Variants in RNF38 observed in about 807,000 individuals in gnomAD.
RNF38 encodes the protein E3 ubiquitin-protein ligase RNF38.
A neutral mutation model predicts 67.2 loss-of-function variants in RNF38; 15 were observed. That is an observed-to-expected ratio of 0.22 (90% CI 0.15 to 0.34). RNF38 has a LOEUF of 0.34. Among genes scored for constraint, RNF38 ranks in the 10% least tolerant of loss-of-function variants. RNF38 has a pLI of 1.00. For synonymous variants in RNF38, 220 were observed against 218.8 expected (o/e 1.01, Z -0.05); for missense variants, 524 against 639.9 (o/e 0.82, Z 1.95).
intron 1 of RNF38, among the ~76,000 whole-genome samples, chr9:36,483,439 CAGA>C (rs1840328212): frequency 6.6e-6 from 1 of 151,150 alleles, no homozygotes; most frequent in Admixed American, 6.6e-5. Context: ...AGTGGGTTTC[CAGA>C]TAGAGGAACC....
intron 1 of RNF38, among the ~76,000 whole-genome samples, chr9:36,428,454 CAT>C (rs10588812): frequency 0.35 from 51,474 of 145,880 alleles, 8,844 homozygotes; most frequent in African/African-American, 0.4. Flanking sequence ...CTATTGTTTA[CAT>C]ATATATATAT....
rs777741651 is a variant in RNF38, at chr9:36,376,089, A to G, written c.201T>C (p.Ser67=). The G allele has an allele frequency of 8.7e-6, 14 of 1,608,402 alleles. No individual in the cohort carries two copies. Among genetic ancestry groups the G allele is most frequent in the African/African-American group, 1.3e-5 (1 of 74,752 alleles). ...CTGATGTATAATCAAAGACTGAATG[A>G]GAGAGGCGCTGTCTCTTAGGACTTG... ...DSPSPKRQRL[S]HSVFDYTSAS... is the part of the protein sequence containing the mutation. Residue 67 remains serine, a synonymous_variant, in exon 3 of 12, where the codon TCT becomes TCC. Transcript: ENST00000259605.
rs188578303 is a variant in RNF38, at chr9:36,353,129, G to A, written c.1071+41C>T. ...AAACATAACTCAGAACAAGTAAGTTGCCAAAGCAAGTAATTAACATAGTAC... is the reference window on the plus strand; with the variant it reads ...AAACATAACTCAGAACAAGTAAGTTACCAAAGCAAGTAATTAACATAGTAC... On this transcript the variant is annotated intron_variant, in intron 7 of 11. Coordinates refer to ENST00000259605, the MANE Select transcript of RNF38 (RefSeq NM_022781.5). 2.6e-6 allele frequency: 4 copies of A among 1,538,610 alleles called. No individual in the cohort carries two copies. In the African/African-American group the frequency reaches 4.1e-5, roughly 16 times the overall value.
chr9:36,440,718 A>T (rs1337272420), intron 1 of RNF38, among the ~76,000 whole-genome samples: 1 of 152,238 alleles, frequency 6.6e-6, no homozygotes, highest in Non-Finnish European at 1.5e-5. Context: ...GGACAATGGA[A>T]CTGAGGACAC....
At chr9:36,401,938 G>A (rs1838050287), upstream of RNF38, among the ~76,000 whole-genome samples, 1 of 152,158 alleles carries the variant, frequency 6.6e-6, no homozygotes, top group Non-Finnish European at 1.5e-5. Context: ...GCTGCAACCA[G>A]TAGAAAATGG....
chr9:36,385,939 C>A (rs1386920812), intron 2 of RNF38, among the ~76,000 whole-genome samples: 1 of 152,208 alleles, frequency 6.6e-6, no homozygotes. Context: ...ATCTCGACAA[C>A]CAACTTTTTT....
At chr9:36,401,355 G>T (rs2480463), upstream of RNF38, among the ~76,000 whole-genome samples, 8 of 150,444 alleles carry the variant, frequency 5.3e-5, no homozygotes, top group African/African-American at 2.0e-4. Flanking sequence ...AATTCCTATA[G>T]ATTTTCTCTT....
At chr9:36,458,173 C>T (rs1342494541) in intron 1 of RNF38, among the ~76,000 whole-genome samples, 2 of 152,106 alleles carry the variant, frequency 1.3e-5, no homozygotes, top group Non-Finnish European at 2.9e-5. Context: ...ACTTCTGGGT[C>T]GGGTGGGGAC....
chr9:36,471,863 G>T (rs1840006601), intron 1 of RNF38, among the ~76,000 whole-genome samples: 1 of 152,132 alleles, frequency 6.6e-6, no homozygotes, highest in Non-Finnish European at 1.5e-5. Flanking sequence ...CCAAGTAGCT[G>T]GGATTACAGG....
chr9:36,449,683 C>T (rs977828360), intron 1 of RNF38, among the ~76,000 whole-genome samples: 2 of 152,146 alleles, frequency 1.3e-5, no homozygotes, highest in South Asian at 2.1e-4. Context: ...GATCCGCCCA[C>T]CTCGGCCTCC....
intron 2 of RNF38, among the ~76,000 whole-genome samples, chr9:36,389,344 CAAA>C (rs35595917): frequency 9.0e-5 from 12 of 132,874 alleles, no homozygotes; most frequent in Non-Finnish European, 1.8e-4. Context: ...GAAAAGTATC[CAAA>C]AAAAAAAAAA....
At chr9:36,409,789 G>A (rs1036022164) in intron 2 of RNF38, among the ~76,000 whole-genome samples, 6 of 152,242 alleles carry the variant, frequency 3.9e-5, no homozygotes, top group Admixed American at 2.0e-4. Flanking sequence ...CCTCCTGCCC[G>A]TGCCACATTC....
chr9:36,475,653 C>G (rs557733180), intron 1 of RNF38, among the ~76,000 whole-genome samples: 1 of 151,512 alleles, frequency 6.6e-6, no homozygotes, highest in Non-Finnish European at 1.5e-5. Flanking sequence ...CCACCATGAC[C>G]GGCCTCAAAT....
chr9:36,398,602 C>A (rs1004377838), intron 1 of RNF38, among the ~76,000 whole-genome samples: 3 of 152,084 alleles, frequency 2.0e-5, no homozygotes, highest in African/African-American at 7.2e-5. Context: ...TAGACAAGAA[C>A]TATACTGTTC....
Position 36,337,675 on chromosome 9 carries a change from CTA to C in RNF38, c.*2075_*2076del, listed in dbSNP as rs1832551192. Reference sequence around the variant, plus strand: ...TTTTTTTTCATTAAAAAAGATTAAACTATATGTGATTTGTATGTAGCTGATTA... The same window carrying C: ...TTTTTTTTCATTAAAAAAGATTAAACTATGTGATTTGTATGTAGCTGATTA... On this transcript the variant is annotated 3_prime_UTR_variant, in exon 12 of 12. Transcript: ENST00000259605. The C allele has an allele frequency of 1.3e-5, 2 of 152,500 alleles. No individual in the cohort carries two copies. Among genetic ancestry groups the C allele is most frequent in the South Asian group, 4.1e-4 (2 of 4,828 alleles). The allele number at this position is 152,500 out of a possible 1,614,324, so 9.4% of individuals were successfully genotyped here.
chr9:36,437,740 G>T (rs1839102474), intron 1 of RNF38, among the ~76,000 whole-genome samples: 1 of 152,030 alleles, frequency 6.6e-6, no homozygotes, highest in Non-Finnish European at 1.5e-5. Flanking sequence ...TTGTCAAGAT[G>T]GTTTACTTCA....
chr9:36,378,722 T>C (rs547947378), intron 2 of RNF38, among the ~76,000 whole-genome samples: 8 of 152,218 alleles, frequency 5.3e-5, no homozygotes, highest in Admixed American at 2.6e-4. Context: ...GTTCAAATTG[T>C]GGGCTAAAAA....
intron 1 of RNF38, among the ~76,000 whole-genome samples, chr9:36,477,833 A>AAAAAG (rs1554702651): frequency 1.4e-5 from 2 of 147,346 alleles, no homozygotes; most frequent in Non-Finnish European, 3.0e-5. Context: ...AAAAAAAAAA[A>AAAAAG]AAAGAAAGAA....
At chr9:36,451,436 T>C (rs1048817007) in intron 1 of RNF38, among the ~76,000 whole-genome samples, 5 of 146,848 alleles carry the variant, frequency 3.4e-5, no homozygotes, top group African/African-American at 1.2e-4. Flanking sequence ...ACTGCACTCC[T>C]GCCTGTGCAA....
Sources: allele counts gnomAD v4.1 joint callset (sites outside exome capture counted in the v4.1 genomes callset), GRCh38; gene constraint gnomAD v4.1.1; transcripts MANE v1.5; gene names NCBI Gene and HGNC (gene_info 2026-07-23, HGNC 2026-07-21).